Variants in HS3ST5 observed in about 807,000 individuals in gnomAD.
HS3ST5 encodes heparan sulfate-glucosamine 3-sulfotransferase 5.
A neutral mutation model predicts 25.4 loss-of-function variants in HS3ST5; 10 were observed. The ratio of observed to expected loss-of-function variants is 0.39; its 90% CI spans 0.24 to 0.67. The LOEUF (loss-of-function observed/expected upper bound fraction) is 0.67. Among genes scored for constraint, HS3ST5 ranks in the 30% least tolerant of loss-of-function variants. The pLI, the probability that HS3ST5 is intolerant of heterozygous loss-of-function variation, is 0.44. For missense variants in HS3ST5, 324 were observed against 420.7 expected, an observed-to-expected ratio of 0.77 and a Z score of 2.01; for synonymous variants, 170 against 162.4, an observed-to-expected ratio of 1.05 and a Z score of -0.36.
chr6:114,115,978 G>A (rs1776508723), intron 3 of HS3ST5: 2 of 151,988 alleles, frequency 1.3e-5, no homozygotes, highest in Admixed American at 1.3e-4. Context: ...ACAATGAGCA[G>A]TTATTTTTTG....
chr6:114,156,141 C>T (rs58715608), intron 3 of HS3ST5, among the ~76,000 whole-genome samples: 12,201 of 152,250 alleles, frequency 0.08, 572 homozygotes, highest in African/African-American at 0.12. Flanking sequence ...ACTCTGTACA[C>T]GCAAGGACAG....
At chr6:114,279,266 G>A (rs377362688) in intron 1 of HS3ST5, among the ~76,000 whole-genome samples, 2 of 152,028 alleles carry the variant, frequency 1.3e-5, no homozygotes, top group East Asian at 3.9e-4. Flanking sequence ...TATATGCAAT[G>A]TTACTAAAAT....
intron 3 of HS3ST5, among the ~76,000 whole-genome samples, chr6:114,082,046 C>A (rs1327338617): frequency 1.3e-5 from 2 of 152,186 alleles, no homozygotes; most frequent in African/African-American, 4.8e-5. Flanking sequence ...CCTTGGCAAC[C>A]ACTAATCTAA....
chr6:114,084,680 A>G, intron 3 of HS3ST5: 1 of 1,249,136 alleles, frequency 8.0e-7, no homozygotes, highest in Non-Finnish European at 1.2e-6. Context: ...GGGGTCAGTA[A>G]CCACAAGAAG....
chr6:114,156,460 A>G (rs1273904011), intron 3 of HS3ST5, among the ~76,000 whole-genome samples: 5 of 152,206 alleles, frequency 3.3e-5, no homozygotes, highest in African/African-American at 1.2e-4. Context: ...GTTTAAAAAT[A>G]TGTATTTAAC....
At chr6:114,182,399 A>G (rs1582689936) in intron 2 of HS3ST5, among the ~76,000 whole-genome samples, 1 of 152,218 alleles carries the variant, frequency 6.6e-6, no homozygotes. Context: ...GGTTAAGAGG[A>G]AAAAATTCTA....
intron 1 of HS3ST5, among the ~76,000 whole-genome samples, chr6:114,330,193 C>T (rs1375504352): frequency 6.6e-6 from 1 of 152,006 alleles, no homozygotes. Flanking sequence ...ATTAAATAGA[C>T]ACCTTTAAAA....
rs1310172725 is a variant in HS3ST5, at chr6:114,342,931, C to T, written c.-1075G>A. On this transcript the variant is annotated 5_prime_UTR_variant, in exon 1 of 5. Transcript: ENST00000312719. ...AGCTGCCTCCCGGAGACGTGCCCAGCTGTGTGCGCGTGTGTGTGTCTAAGC... is the reference window on the plus strand; with the variant it reads ...AGCTGCCTCCCGGAGACGTGCCCAGTTGTGTGCGCGTGTGTGTGTCTAAGC... The T allele has an allele frequency of 2.0e-5, 3 of 152,380 alleles. No individual in the cohort carries two copies. The highest frequency in any genetic ancestry group is 4.4e-5 in the Non-Finnish European group (3 of 68,216). The allele number at this position is 152,380 out of a possible 1,614,324, so 9.4% of individuals were successfully genotyped here. A position where few individuals can be genotyped will look rare whatever the true frequency, so the allele number is the denominator to read the frequency against.
intron 4 of HS3ST5, among the ~76,000 whole-genome samples, chr6:114,060,799 C>T (rs1773068785): frequency 6.6e-6 from 1 of 152,172 alleles, no homozygotes; most frequent in Non-Finnish European, 1.5e-5. Flanking sequence ...GAGATCACAT[C>T]CTGCAGAATA....
At chr6:114,312,783 A>C (rs1010855348) in intron 1 of HS3ST5, among the ~76,000 whole-genome samples, 4 of 152,012 alleles carry the variant, frequency 2.6e-5, no homozygotes, top group Admixed American at 6.6e-5. Flanking sequence ...TAATCCCAGC[A>C]CTTTGGGAGG....
intron 1 of HS3ST5, among the ~76,000 whole-genome samples, chr6:114,337,804 G>A (rs977652069): frequency 1.3e-5 from 2 of 152,102 alleles, no homozygotes; most frequent in Non-Finnish European, 2.9e-5. Flanking sequence ...CTATTCAAGA[G>A]CAGAGTAGAC....
chr6:114,141,854 TAGTTTGTGTG>T (rs1416583472), intron 3 of HS3ST5, among the ~76,000 whole-genome samples: 1 of 120,730 alleles, frequency 8.3e-6, no homozygotes, highest in East Asian at 2.5e-4. Flanking sequence ...TCTAAGATGA[TAGTTTGTGTG>T]TGTGTGTGTG....
chr6:114,198,842 T>C (rs1044962659), intron 2 of HS3ST5, among the ~76,000 whole-genome samples: 1 of 152,112 alleles, frequency 6.6e-6, no homozygotes. Context: ...GTTGTATGCC[T>C]AATTCTCATG....
intron 1 of HS3ST5, among the ~76,000 whole-genome samples, chr6:114,259,239 G>A (rs1484968019): frequency 1.3e-5 from 2 of 152,144 alleles, no homozygotes; most frequent in Non-Finnish European, 2.9e-5. Flanking sequence ...GTAAAAACAT[G>A]AGCAATTAAT....
intron 1 of HS3ST5, among the ~76,000 whole-genome samples, chr6:114,285,173 G>A (rs1379121785): frequency 3.3e-5 from 5 of 151,902 alleles, no homozygotes; most frequent in South Asian, 2.1e-4. Context: ...CTAAACTGTC[G>A]TCAACAAATG....
intron 4 of HS3ST5, 22 bp downstream of exon 4, chr6:114,062,717 A>T: frequency 6.8e-7 from 1 of 1,475,134 alleles, no homozygotes; most frequent in Non-Finnish European, 9.5e-7. Flanking sequence ...CAGGGGTATA[A>T]GCATGTGTTT....
intron 3 of HS3ST5, among the ~76,000 whole-genome samples, chr6:114,152,225 A>C (rs753413592): frequency 6.6e-6 from 1 of 152,068 alleles, no homozygotes; most frequent in Non-Finnish European, 1.5e-5. Context: ...CCAGGCCATA[A>C]ATTTATGTTT....
intron 2 of HS3ST5, among the ~76,000 whole-genome samples, chr6:114,218,290 G>T (rs1238551928): frequency 6.6e-6 from 1 of 152,148 alleles, no homozygotes; most frequent in Non-Finnish European, 1.5e-5. Context: ...GAGCCGCCGT[G>T]CCCGGTCTAC....
At chr6:114,273,882 TTCTAC>T (rs770730251) in intron 1 of HS3ST5, among the ~76,000 whole-genome samples, 128 of 151,992 alleles carry the variant, frequency 8.4e-4, no homozygotes, top group Non-Finnish European at 1.6e-3. Flanking sequence ...TTTAGAAAAG[TTCTAC>T]TCTAAAAGGC....
Sources: gnomAD v4.1 joint callset for allele counts (sites outside exome capture counted in the v4.1 genomes callset) on GRCh38, gnomAD v4.1.1 for gene constraint, MANE v1.5 for transcripts, NCBI Gene and HGNC (gene_info 2026-07-23, HGNC 2026-07-21) for gene names.